ME1: variants seen among roughly 807,000 people sequenced by gnomAD.
ME1 encodes NADP-dependent malic enzyme.
In ME1, 74 loss-of-function variants were observed where a neutral mutation model predicts 66.4. The ratio of observed to expected loss-of-function variants is 1.11; its 90% CI spans 0.92 to 1.35. ME1 has a LOEUF of 1.35. Among genes scored for constraint, ME1 ranks in the 40% most tolerant of loss-of-function variants. The pLI is 0.00. For missense variants in ME1, 750 were observed against 694.1 expected, an observed-to-expected ratio of 1.08 and a Z score of -0.90; for synonymous variants, 251 against 235.6, an observed-to-expected ratio of 1.07 and a Z score of -0.60.
At chr6:83,389,209 T>A (rs1769572815) in intron 3 of ME1, among the ~76,000 whole-genome samples, 1 of 152,160 alleles carries the variant, frequency 6.6e-6, no homozygotes, top group Non-Finnish European at 1.5e-5. Context: ...TTTATGAGAA[T>A]TTGCCTGTTA....
intron 3 of ME1, among the ~76,000 whole-genome samples, chr6:83,384,088 T>C (rs1056450130): frequency 6.6e-6 from 1 of 151,870 alleles, no homozygotes; most frequent in Admixed American, 6.6e-5. Context: ...GGCATCTAGG[T>C]TGATTCCATG....
At chr6:83,398,575 G>GAAAATTTCATAAAATAGTCATGA in intron 2 of ME1, 59 bp from the exon 3 acceptor site, 2 of 843,748 alleles carry the variant, frequency 2.4e-6, no homozygotes, top group Non-Finnish European at 3.7e-6. Flanking sequence ...TAGCTACTTA[G>GAAAATTTCATAAAATAGTCATGA]AAATCTAATT....
chr6:83,362,372 C>A (rs1356065219), intron 3 of ME1, among the ~76,000 whole-genome samples: 1 of 152,208 alleles, frequency 6.6e-6, no homozygotes, highest in Admixed American at 6.5e-5. Context: ...AATGGGTGAT[C>A]TCAGCAGAAG....
chr6:83,297,617 A>ATG (rs1005895235), intron 6 of ME1, among the ~76,000 whole-genome samples: 1 of 151,784 alleles, frequency 6.6e-6, no homozygotes, highest in African/African-American at 2.4e-5. Context: ...TCCAGGATAC[A>ATG]TGTGAGGGAT....
At chr6:83,212,482 A>G (rs1789911142) in intron 13 of ME1, among the ~76,000 whole-genome samples, 1 of 152,208 alleles carries the variant, frequency 6.6e-6, no homozygotes. Context: ...TTCTCACCAC[A>G]GCCTCCTACA....
At chr6:83,378,686 T>TG (rs1413037821) in intron 3 of ME1, among the ~76,000 whole-genome samples, 1 of 151,796 alleles carries the variant, frequency 6.6e-6, no homozygotes, top group Admixed American at 6.6e-5. Context: ...TTTTTTTTTT[T>TG]TTTTTAACCA....
chr6:83,328,752 A>G (rs1768348914), intron 5 of ME1, among the ~76,000 whole-genome samples: 1 of 152,220 alleles, frequency 6.6e-6, no homozygotes, highest in Non-Finnish European at 1.5e-5. Flanking sequence ...AATACTTGGT[A>G]TTAAGGAAGC....
chr6:83,246,573 A>G (rs1790627970), intron 7 of ME1, among the ~76,000 whole-genome samples: 1 of 152,148 alleles, frequency 6.6e-6, no homozygotes, highest in Non-Finnish European at 1.5e-5. Flanking sequence ...ATTATTTTGT[A>G]CAGTTATAAT....
chr6:83,246,486 C>T (rs144781010), intron 7 of ME1, among the ~76,000 whole-genome samples: 23 of 152,088 alleles, frequency 1.5e-4, no homozygotes, highest in Admixed American at 3.3e-4. Context: ...CATTCCATAC[C>T]TACTATTTTA....
chr6:83,331,458 G>T (rs1768407228), intron 5 of ME1, among the ~76,000 whole-genome samples: 2 of 151,728 alleles, frequency 1.3e-5, no homozygotes, highest in South Asian at 4.2e-4. Flanking sequence ...GTGGTGGTGG[G>T]CGCCTGTAAT....
chr6:83,366,593 T>C (rs1183305393), intron 3 of ME1, among the ~76,000 whole-genome samples: 13 of 152,174 alleles, frequency 8.5e-5, no homozygotes, highest in Non-Finnish European at 2.9e-5. Context: ...TGAAACACTA[T>C]GGCAAAAATC....
chr6:83,277,832 G>A (rs1051062166), intron 6 of ME1, among the ~76,000 whole-genome samples: 1 of 151,810 alleles, frequency 6.6e-6, no homozygotes, highest in Non-Finnish European at 1.5e-5. Flanking sequence ...AACCTGGGAG[G>A]TAGAGGTTGC....
At chr6:83,249,867 C>G (rs1790691926) in intron 7 of ME1, among the ~76,000 whole-genome samples, 1 of 152,102 alleles carries the variant, frequency 6.6e-6, no homozygotes, top group Non-Finnish European at 1.5e-5. Flanking sequence ...AGGCCTTTCC[C>G]CCATCTAACA....
At chr6:83,224,349 A>G (rs1223577263) in intron 11 of ME1, among the ~76,000 whole-genome samples, 1 of 152,156 alleles carries the variant, frequency 6.6e-6, no homozygotes. Flanking sequence ...CACATTTCCA[A>G]AATAAAAACT....
intron 1 of ME1, 65 bp downstream of exon 1, chr6:83,430,812 T>G (rs1770471338): frequency 1.4e-6 from 2 of 1,412,604 alleles, no homozygotes; most frequent in Non-Finnish European, 2.0e-6. Flanking sequence ...TGCGGGGACC[T>G]GCAAGAGGGC....
chr6:83,418,205 T>C (rs538928756), intron 1 of ME1, among the ~76,000 whole-genome samples: 23 of 152,330 alleles, frequency 1.5e-4, no homozygotes, highest in African/African-American at 4.6e-4. Flanking sequence ...TGAACCTTTA[T>C]ATATATGAAG....
intron 3 of ME1, among the ~76,000 whole-genome samples, chr6:83,380,497 A>T (rs190237188): frequency 7.0e-4 from 107 of 151,948 alleles, no homozygotes; most frequent in African/African-American, 2.4e-3. Context: ...GAACCTAGCT[A>T]AAAAAAAGTG....
rs117547428 is a variant in ME1 at position 83,271,159 on chromosome 6, C to T, written c.705-17421G>A. 2.3e-3 allele frequency among the ~76,000 whole-genome samples: 344 copies of T among 152,238 alleles called. 2 individuals carry two copies. Among genetic ancestry groups the T allele is most frequent in the Admixed American group, 4.0e-3 (61 of 15,268 alleles). On this transcript the variant is annotated intron_variant, in intron 6 of 13. Transcript: ENST00000369705. ...TTGGGACTATTCCCACCTCAGATTA[C>T]TTGCTGATACAGCACTAACTCTTTT...
chr6:83,407,760 T>C lies in ME1; in HGVS notation c.212+8A>G, dbSNP rs778686449. ...GAAATATAAAAACCACCTTCAGCAATGTGTTACCTGTCAAAGTCAGAGTTC... is the reference window on the plus strand; with the variant it reads ...GAAATATAAAAACCACCTTCAGCAACGTGTTACCTGTCAAAGTCAGAGTTC... On this transcript the variant is annotated splice_region_variant and intron_variant, in intron 2 of 13. Transcript: ENST00000369705. The C allele has an allele frequency of 1.3e-6, 2 of 1,578,080 alleles. No individual in the cohort carries two copies. Among genetic ancestry groups the C allele is most frequent in the African/African-American group, 2.7e-5 (2 of 72,784 alleles).
Sources: allele counts gnomAD v4.1 joint callset (sites outside exome capture counted in the v4.1 genomes callset), GRCh38; gene constraint gnomAD v4.1.1; transcripts MANE v1.5; gene names NCBI Gene and HGNC (gene_info 2026-07-23, HGNC 2026-07-21).